The following ST7 variants were observed in gnomAD, a reference collection of about 807,000 sequenced individuals.
ST7 encodes the protein suppression of tumorigenicity 7.
A neutral mutation model predicts 78.7 loss-of-function variants in ST7; 28 were observed. That is an observed-to-expected ratio of 0.36 (90% CI 0.26 to 0.49). ST7 has a LOEUF of 0.49. Among genes scored for constraint, ST7 ranks in the 20% least tolerant of loss-of-function variants. The probability of loss-of-function intolerance (pLI) is 0.99; values close to 1 mark genes in which losing one functional copy is unlikely to be tolerated. For missense variants in ST7, 418 were observed against 696.0 expected, an observed-to-expected ratio of 0.60 and a Z score of 4.49; for synonymous variants, 247 against 249.6, an observed-to-expected ratio of 0.99 and a Z score of 0.10.
At chr7:117,025,697 C>T (rs1796151768) in intron 1 of ST7, among the ~76,000 whole-genome samples, 1 of 152,146 alleles carries the variant, frequency 6.6e-6, no homozygotes, top group African/African-American at 2.4e-5. Context: ...CATACAGGAG[C>T]TTGAAAAAGT....
chr7:117,153,261 G>A (rs1806432142), intron 9 of ST7, among the ~76,000 whole-genome samples: 1 of 152,142 alleles, frequency 6.6e-6, no homozygotes, highest in East Asian at 1.9e-4. Flanking sequence ...CAGGAGGAAT[G>A]ATTTCAGCTT....
rs541329524 is a variant in ST7, at chr7:117,185,137, G to A, written c.1079-4184G>A. On this transcript the variant is annotated intron_variant, in intron 10 of 15. Coordinates refer to ENST00000323984, the MANE Select transcript of ST7 (RefSeq NM_001369598.1). Reference sequence around the variant, plus strand: ...TTCCTGCCTGTGGTTTAGATGTTACGCAGTTATTAGATTAAAATATGGCTA... The same window carrying A: ...TTCCTGCCTGTGGTTTAGATGTTACACAGTTATTAGATTAAAATATGGCTA... Among the ~76,000 whole-genome samples the A allele has an allele frequency of 4.1e-4, 62 of 152,192 alleles. 1 individual carries two copies. The South Asian group carries it at 9.8e-3, about 24-fold the overall frequency.
intron 1 of ST7, among the ~76,000 whole-genome samples, chr7:117,093,692 C>CTCCG (rs1161772743): frequency 6.6e-6 from 1 of 152,060 alleles, no homozygotes; most frequent in Non-Finnish European, 1.5e-5. Context: ...CGGAGTGAGA[C>CTCCG]TCCGTCTCAA....
intron 1 of ST7, among the ~76,000 whole-genome samples, chr7:117,030,482 T>C (rs764011373): frequency 3.2e-4 from 48 of 152,214 alleles, no homozygotes; most frequent in Non-Finnish European, 5.9e-4. Context: ...TTAGAATTGT[T>C]TATACATACA....
intron 7 of ST7, 146 bp downstream of exon 7, chr7:117,134,338 A>C (rs546400307): frequency 1.6e-6 from 2 of 1,244,462 alleles, no homozygotes; most frequent in East Asian, 4.9e-5. Flanking sequence ...TATATCTTCC[A>C]TCGAGCTGAG....
At chr7:117,143,986 GTGCGTT>G (rs1488186028) in intron 9 of ST7, among the ~76,000 whole-genome samples, 2 of 152,114 alleles carry the variant, frequency 1.3e-5, no homozygotes, top group Non-Finnish European at 2.9e-5. Context: ...AAACCTTCGT[GTGCGTT>G]TACCTGTTGA....
chr7:117,020,722 C>T, intron 1 of ST7: 4 of 1,501,686 alleles, frequency 2.7e-6, no homozygotes, highest in Non-Finnish European at 3.6e-6. Context: ...TGCCTTAGGT[C>T]ATTAACAACC....
chr7:117,180,642 A>G (rs933473258), intron 10 of ST7, among the ~76,000 whole-genome samples: 1 of 152,174 alleles, frequency 6.6e-6, no homozygotes, highest in Non-Finnish European at 1.5e-5. Context: ...AGTGAAAGCC[A>G]TGCTCTTTTT....
At chr7:117,145,892 T>C (rs1805746825) in intron 9 of ST7, among the ~76,000 whole-genome samples, 1 of 152,216 alleles carries the variant, frequency 6.6e-6, no homozygotes, top group African/African-American at 2.4e-5. Context: ...ACTCTCAGCC[T>C]AGCCTGTAAA....
intron 2 of ST7, among the ~76,000 whole-genome samples, chr7:117,105,259 G>A (rs1040368215): frequency 7.2e-5 from 11 of 152,188 alleles, no homozygotes; most frequent in Non-Finnish European, 1.3e-4. Context: ...ATATATGGGA[G>A]TTTAAAAAGT....
rs373815147 is a variant in ST7, at chr7:117,122,267, T to C, written c.394+2547T>C. The stretch of plus-strand genomic sequence containing the variant: ...TGTGACAGAAGCCAAAGTTGCCAAG[T>C]AGCTCATGCTGTGCTAAGGAATCTG... On this transcript the variant is annotated intron_variant, in intron 3 of 15. Transcript: ENST00000323984. Among the ~76,000 whole-genome samples the C allele has an allele frequency of 2.7e-4, 41 of 152,260 alleles. No homozygotes were observed. In the East Asian group the frequency reaches 5.0e-3, roughly 19 times the overall value.
intron 2 of ST7, among the ~76,000 whole-genome samples, chr7:117,108,515 CAGGTAATGTG>C (rs1467416977): frequency 5.3e-5 from 8 of 152,116 alleles, no homozygotes; most frequent in African/African-American, 1.9e-4. Context: ...AGTTTGAAGT[CAGGTAATGTG>C]AATCTCCAGA....
chr7:117,150,845 A>G (rs1806185515), intron 9 of ST7, among the ~76,000 whole-genome samples: 1 of 152,242 alleles, frequency 6.6e-6, no homozygotes, highest in African/African-American at 2.4e-5. Flanking sequence ...CCAATCATTT[A>G]TGCCAAATCT....
intron 1 of ST7, among the ~76,000 whole-genome samples, chr7:117,067,631 G>T (rs558089190): frequency 7.2e-5 from 11 of 152,252 alleles, no homozygotes; most frequent in Admixed American, 1.3e-4. Context: ...GATTTTGAGG[G>T]TGACTAGAAG....
At chr7:117,144,115 T>C (rs1805553367) in intron 9 of ST7, 2 of 152,170 alleles carry the variant, frequency 1.3e-5, no homozygotes, top group South Asian at 4.1e-4. Flanking sequence ...CTAACTATAT[T>C]GTTCAAACAA....
At chr7:117,227,474 T>C (rs956155731) in intron 15 of ST7, among the ~76,000 whole-genome samples, 1 of 152,196 alleles carries the variant, frequency 6.6e-6, no homozygotes, top group South Asian at 2.1e-4. Context: ...CTTTATGAAG[T>C]TGAGCATTAT....
At chr7:117,003,269 C>CT (rs1357131073) in intron 1 of ST7, among the ~76,000 whole-genome samples, 1 of 151,512 alleles carries the variant, frequency 6.6e-6, no homozygotes, top group Admixed American at 6.6e-5. Flanking sequence ...GTAGCTAAGA[C>CT]TATAGGTGTG....
chr7:117,173,939 A>G (rs983219057), intron 10 of ST7, among the ~76,000 whole-genome samples: 7 of 152,088 alleles, frequency 4.6e-5, no homozygotes, highest in Non-Finnish European at 8.8e-5. Context: ...GGTGTCGAAG[A>G]ACATATTTTG....
At chr7:117,029,210 A>T (rs563419700) in intron 1 of ST7, among the ~76,000 whole-genome samples, 1 of 152,308 alleles carries the variant, frequency 6.6e-6, no homozygotes, top group Non-Finnish European at 1.5e-5. Flanking sequence ...TTACATTCCC[A>T]CTAGCAATGG....
Sources: gnomAD v4.1 joint callset for allele counts (sites outside exome capture counted in the v4.1 genomes callset) on GRCh38, gnomAD v4.1.1 for gene constraint, MANE v1.5 for transcripts, NCBI Gene and HGNC (gene_info 2026-07-23, HGNC 2026-07-21) for gene names.